The following KLHL1 variants were observed in gnomAD, a reference collection of about 807,000 sequenced individuals.
The protein encoded by KLHL1 is kelch-like protein 1.
A neutral mutation model predicts 77.7 loss-of-function variants in KLHL1; 47 were observed. That is an observed-to-expected ratio of 0.60 (90% CI 0.48 to 0.77). KLHL1 has a LOEUF of 0.77. Ranked by LOEUF, KLHL1 falls within the 30% of genes least tolerant of loss-of-function variation. KLHL1 has a pLI of 0.00. For synonymous variants in KLHL1, 360 were observed against 325.2 expected, an observed-to-expected ratio of 1.11 and a Z score of -1.15; for missense variants, 925 against 910.8, an observed-to-expected ratio of 1.02 and a Z score of -0.20.
At chr13:69,865,232 C>G (rs534502112) in intron 5 of KLHL1, among the ~76,000 whole-genome samples, 5 of 152,076 alleles carry the variant, frequency 3.3e-5, no homozygotes, top group Admixed American at 3.3e-4. Context: ...CCAGTGCACT[C>G]GGCCCTGAGT....
At chr13:69,783,839 G>C (rs539617032) in intron 7 of KLHL1, among the ~76,000 whole-genome samples, 264 of 150,428 alleles carry the variant, frequency 1.8e-3, no homozygotes, top group African/African-American at 6.2e-3. Context: ...ATGCCACAAA[G>C]ATACTCCTCG....
rs11433328 is a variant in KLHL1 at position 69,979,168 on chromosome 13, C to CAAA, written c.498-3369_498-3367dup. 2.0e-3 allele frequency among the ~76,000 whole-genome samples: 283 copies of CAAA among 141,178 alleles called. 1 individual carries two copies. The highest frequency in any genetic ancestry group is 6.7e-3 in the African/African-American group (266 of 39,866). 92.6% of individuals were successfully genotyped at this position (141,178 alleles called of 152,430 possible). ...AAAACAGAAAATTAGATAAGAGGCT[C>CAAA]AAAAAAAAAATAAATAAGTTCCAGT... is the stretch of plus-strand genomic sequence containing the variant. On this transcript the variant is annotated intron_variant, in intron 1 of 10. Coordinates refer to ENST00000377844, the MANE Select transcript of KLHL1 (RefSeq NM_020866.3).
At position 69,719,572 on chromosome 13, in the gene KLHL1, T is replaced by A. The variant is rs1368495225; in HGVS notation, c.1812A>T (p.Ser604=). 1.2e-6 allele frequency: 2 copies of A among 1,610,504 alleles called. No individual in the cohort carries two copies. The highest frequency in any genetic ancestry group is 1.1e-5 in the South Asian group (1 of 91,004). The change falls in exon 9 of 11, where the codon TCA becomes TCT. Residue 604 remains serine (S), a synonymous_variant. Coordinates refer to ENST00000377844, the MANE Select transcript of KLHL1 (RefSeq NM_020866.3). The stretch of plus-strand genomic sequence containing the variant: ...AGGAACTTCCATCACGACCTCCAAC[T>A]GAATACAACCTAAAAACACAATTGG... ...GVAALNGKLY[S]VGGRDGSSCL...
At position 69,941,086 on chromosome 13, in the gene KLHL1, C is replaced by A. The variant is rs558888813; in HGVS notation, c.818-850G>T. Among the ~76,000 whole-genome samples the A allele has an allele frequency of 1.3e-4, 20 of 151,848 alleles. 1 individual carries two copies. The South Asian group carries it at 1.9e-3, about 14-fold the overall frequency. On this transcript the variant is annotated intron_variant, in intron 3 of 10. Coordinates refer to ENST00000377844, the MANE Select transcript of KLHL1 (RefSeq NM_020866.3). ...TTGTATATAATTGTATAACAATGAACCTAAACTATACCCTAAAACAAATGG... is the reference window on the plus strand; with the variant it reads ...TTGTATATAATTGTATAACAATGAAACTAAACTATACCCTAAAACAAATGG...
chr13:69,791,474 C>A (rs1876871194), intron 7 of KLHL1, among the ~76,000 whole-genome samples: 1 of 151,662 alleles, frequency 6.6e-6, no homozygotes. Context: ...CCCAGAATAT[C>A]CAAAAATTCT....
chr13:70,073,466 G>T (rs1332474890), intron 1 of KLHL1, among the ~76,000 whole-genome samples: 1 of 151,956 alleles, frequency 6.6e-6, no homozygotes, highest in African/African-American at 2.4e-5. Context: ...TAAATGATGA[G>T]TTACTGGGTG....
At chr13:70,104,527 A>G (rs1888000487) in intron 1 of KLHL1, among the ~76,000 whole-genome samples, 1 of 152,206 alleles carries the variant, frequency 6.6e-6, no homozygotes, top group Non-Finnish European at 1.5e-5. Context: ...TGTTCTAACT[A>G]GTATAAAACT....
At chr13:69,813,503 C>CACAT (rs34163072) in intron 6 of KLHL1, among the ~76,000 whole-genome samples, 6 of 148,838 alleles carry the variant, frequency 4.0e-5, no homozygotes, top group Admixed American at 6.7e-5. Context: ...CACACACACA[C>CACAT]ATATATATAT....
intron 9 of KLHL1, among the ~76,000 whole-genome samples, chr13:69,712,452 C>G (rs1264444264): frequency 2.0e-5 from 3 of 152,094 alleles, no homozygotes; most frequent in African/African-American, 7.2e-5. Context: ...CCTTTCCTCA[C>G]TCCTCTTTGG....
rs1881030947 is a variant in KLHL1 at position 69,882,347 on chromosome 13, T to C, written c.1163A>G (p.Gln388Arg). The C allele has an allele frequency of 6.2e-7, 1 of 1,613,918 alleles. No individual in the cohort carries two copies. Among genetic ancestry groups the C allele is most frequent in the South Asian group, 1.1e-5 (1 of 91,088 alleles). The change falls in exon 5 of 11, where the codon CAG becomes CGG. Residue 388 changes from glutamine (Q) to arginine (R), a missense_variant. Physicochemically the swap from Gln to Arg is conservative, Grantham distance 43 (BLOSUM62 1). Coordinates refer to ENST00000377844, the MANE Select transcript of KLHL1 (RefSeq NM_020866.3). Reference protein sequence around the residue: ...ALMMWVKYDMQSRCNDLSMLL... With the variant: ...ALMMWVKYDMRSRCNDLSMLL... The stretch of plus-strand genomic sequence containing the variant: ...CATGCTCAGGTCATTGCATCTACTC[T>C]GCATGTCATACTTGACCCACATCAT...
chr13:69,747,938 CTAGCAAA>C (rs1309608045), intron 7 of KLHL1, among the ~76,000 whole-genome samples: 43 of 151,930 alleles, frequency 2.8e-4, no homozygotes, highest in Middle Eastern at 6.9e-3. Flanking sequence ...AATACAAGGA[CTAGCAAA>C]TATTTAATAT....
At position 69,862,316 on chromosome 13, in the gene KLHL1, C is replaced by T. The variant is rs545977302; in HGVS notation, c.1227+19967G>A. Among the ~76,000 whole-genome samples the T allele has an allele frequency of 7.9e-5, 12 of 151,882 alleles. No homozygotes were observed. The South Asian group carries it at 2.5e-3, about 32-fold the overall frequency. On this transcript the variant is annotated intron_variant, in intron 5 of 10. Coordinates refer to ENST00000377844, the MANE Select transcript of KLHL1 (RefSeq NM_020866.3). ...GAGAAGAGAGAGAGAGAGAGAGAAG[C>T]AAATATTAGAGAAAAGCCAGATCCA...
At chr13:70,002,427 A>T (rs926300780) in intron 1 of KLHL1, among the ~76,000 whole-genome samples, 95 of 151,630 alleles carry the variant, frequency 6.3e-4, no homozygotes, top group African/African-American at 1.5e-3. Flanking sequence ...GAGAAAAAAA[A>T]TTTTTTTAAA....
At chr13:69,830,233 T>A (rs1302615271) in intron 6 of KLHL1, among the ~76,000 whole-genome samples, 2 of 149,882 alleles carry the variant, frequency 1.3e-5, no homozygotes, top group African/African-American at 5.0e-5. Flanking sequence ...TCACATAAAT[T>A]TAAGGTAAAT....
chr13:69,814,193 C>T (rs2325233), intron 6 of KLHL1, among the ~76,000 whole-genome samples: 37,133 of 151,904 alleles, frequency 0.24, 4,600 homozygotes, highest in South Asian at 0.31. Context: ...GCTTACCATA[C>T]GCAGAAAAAT....
At chr13:69,731,520 T>A (rs1310003586) in intron 8 of KLHL1, among the ~76,000 whole-genome samples, 1 of 152,168 alleles carries the variant, frequency 6.6e-6, no homozygotes. Flanking sequence ...TTGGAGTTTT[T>A]CTCAGCAACT....
chr13:70,047,194 T>C (rs1886521855), intron 1 of KLHL1, among the ~76,000 whole-genome samples: 1 of 151,674 alleles, frequency 6.6e-6, no homozygotes, highest in Admixed American at 6.6e-5. Context: ...AAACACAGTA[T>C]TGTAGATATG....
At chr13:70,045,027 T>A (rs933425828) in intron 1 of KLHL1, among the ~76,000 whole-genome samples, 1 of 152,216 alleles carries the variant, frequency 6.6e-6, no homozygotes, top group African/African-American at 2.4e-5. Context: ...ACGGGTGCTA[T>A]GTATAATATT....
At chr13:70,061,131 A>G (rs1281243450) in intron 1 of KLHL1, among the ~76,000 whole-genome samples, 4 of 152,078 alleles carry the variant, frequency 2.6e-5, no homozygotes, top group East Asian at 1.9e-4. Context: ...CCCCACCTCT[A>G]TGGTATATTC....
Sources: allele counts gnomAD v4.1 joint callset (sites outside exome capture counted in the v4.1 genomes callset), GRCh38; gene constraint gnomAD v4.1.1; transcripts MANE v1.5; gene names NCBI Gene and HGNC (gene_info 2026-07-23, HGNC 2026-07-21).